The following THSD4 variants were observed in gnomAD, a reference collection of about 807,000 sequenced individuals.
THSD4 encodes thrombospondin type 1 domain containing 4.
THSD4 carries 69 observed loss-of-function variants against 119.0 expected under a neutral mutation model. That is an observed-to-expected ratio of 0.58 (90% CI 0.48 to 0.71). The LOEUF (loss-of-function observed/expected upper bound fraction) is 0.71, where lower values mean the gene tolerates loss of function less well. THSD4 is among the 30% of genes least tolerant of loss of function. The pLI is 0.00. For missense variants in THSD4, 1,393 were observed against 1,391.1 expected (o/e 1.00, Z -0.02); for synonymous variants, 524 against 540.4 (o/e 0.97, Z 0.42).
chr15:71,219,606 T>C (rs1267526974), intron 4 of THSD4, among the ~76,000 whole-genome samples: 2 of 152,182 alleles, frequency 1.3e-5, no homozygotes, highest in Non-Finnish European at 2.9e-5. Context: ...AAGATGCACA[T>C]GTAAATGCCT....
intron 6 of THSD4, among the ~76,000 whole-genome samples, chr15:71,377,879 C>CACACACACACACACACACACACAA (rs2046164709): frequency 2.5e-4 from 20 of 78,492 alleles, no homozygotes; most frequent in African/African-American, 5.9e-4. Context: ...CACACACACA[C>CACACACACACACACACACACACAA]ACACACACAC....
rs548920004 is a variant in THSD4, at chr15:71,287,193, G to A, written c.1015+30478G>A. Among the ~76,000 whole-genome samples the A allele has an allele frequency of 3.3e-5, 5 of 152,310 alleles. No homozygotes were observed. The East Asian group carries it at 9.6e-4, about 29-fold the overall frequency. On this transcript the variant is annotated intron_variant, in intron 6 of 17. Transcript: ENST00000261862. ...CCCGACAAAATGAAATACTTAGGATGTAAAAGTACAGGAGTAGACTTTTGG... is the reference window on the plus strand; with the variant it reads ...CCCGACAAAATGAAATACTTAGGATATAAAAGTACAGGAGTAGACTTTTGG...
At chr15:71,598,889 A>T (rs2049955851) in intron 7 of THSD4, among the ~76,000 whole-genome samples, 1 of 152,172 alleles carries the variant, frequency 6.6e-6, no homozygotes, top group Non-Finnish European at 1.5e-5. Context: ...AAGTGCTGGG[A>T]TTACAAGTTG....
chr15:71,342,117 T>G (rs988324963), intron 6 of THSD4, among the ~76,000 whole-genome samples: 2 of 146,876 alleles, frequency 1.4e-5, no homozygotes, highest in African/African-American at 5.1e-5. Flanking sequence ...ATCCTTTGAT[T>G]GACTGAAACG....
At chr15:71,463,225 A>C (rs2047450816) in intron 7 of THSD4, among the ~76,000 whole-genome samples, 1 of 152,122 alleles carries the variant, frequency 6.6e-6, no homozygotes, top group South Asian at 2.1e-4. Flanking sequence ...TCTTGACTTC[A>C]TCATATTAGT....
intron 6 of THSD4, among the ~76,000 whole-genome samples, chr15:71,265,972 A>G (rs1227278692): frequency 6.6e-6 from 1 of 152,224 alleles, no homozygotes; most frequent in African/African-American, 2.4e-5. Flanking sequence ...GGGCTTACAG[A>G]CAAAATCCCC....
chr15:71,173,252 A>G (rs2043401333), intron 3 of THSD4, among the ~76,000 whole-genome samples: 1 of 152,136 alleles, frequency 6.6e-6, no homozygotes, highest in African/African-American at 2.4e-5. Flanking sequence ...AAGCAAATAA[A>G]GTAAACAATT....
intron 6 of THSD4, among the ~76,000 whole-genome samples, chr15:71,382,166 C>T (rs1360183581): frequency 6.6e-6 from 1 of 152,022 alleles, no homozygotes; most frequent in African/African-American, 2.4e-5. Flanking sequence ...ATAGAGAAGA[C>T]CCAGTTTTCT....
At chr15:71,319,533 A>G (rs1027978719) in intron 6 of THSD4, among the ~76,000 whole-genome samples, 1 of 151,914 alleles carries the variant, frequency 6.6e-6, no homozygotes, top group Non-Finnish European at 1.5e-5. Context: ...TTTGCTCAGA[A>G]TGATGGTTTC....
chr15:71,588,107 C>A (rs1369616747), intron 7 of THSD4, among the ~76,000 whole-genome samples: 1 of 151,930 alleles, frequency 6.6e-6, no homozygotes, highest in Middle Eastern at 3.4e-3. Context: ...GAGATCGAGA[C>A]CATCCTGGCT....
chr15:71,347,121 G>A (rs1273550081), intron 6 of THSD4, among the ~76,000 whole-genome samples: 2 of 152,104 alleles, frequency 1.3e-5, no homozygotes, highest in Non-Finnish European at 2.9e-5. Flanking sequence ...CGATCTGCCC[G>A]CCTCGGTGTC....
At chr15:71,298,531 T>C (rs1480180492) in intron 6 of THSD4, among the ~76,000 whole-genome samples, 1 of 75,060 alleles carries the variant, frequency 1.3e-5, no homozygotes. Flanking sequence ...TGAGGCTTTA[T>C]TTCTTCTCTT....
In THSD4 at chr15:71,471,946, GCTC is replaced by G. The variant is rs1164916983; in HGVS notation, c.1152+60124_1152+60126del. 3.9e-5 allele frequency among the ~76,000 whole-genome samples: 6 copies of G among 152,174 alleles called. No individual in the cohort carries two copies. The East Asian group carries it at 1.2e-3, about 29-fold the overall frequency. ...TGTTTTTGTTCTGAGAGAGGATCTT[GCTC>G]TGTCACCCAGGCTACAGTGCAGTGG... On this transcript the variant is annotated intron_variant, in intron 7 of 17. Transcript: ENST00000261862.
At chr15:71,524,587 CTTTTTTTTTTTT>C (rs71438517) in intron 7 of THSD4, among the ~76,000 whole-genome samples, 34 of 59,520 alleles carry the variant, frequency 5.7e-4, no homozygotes, top group African/African-American at 1.8e-3. Flanking sequence ...GTTTATGCCT[CTTTTTTTTTTTT>C]TTTTTTTTTT....
chr15:71,680,255 A>G lies in THSD4; in HGVS notation c.1357+19521A>G, dbSNP rs548135616. Reference sequence around the variant, plus strand: ...TCCTGTCTTTCCTGTTTTGTTGGTAAGTTCTGGGAACACCAAGGTTCTCTA... The same window carrying G: ...TCCTGTCTTTCCTGTTTTGTTGGTAGGTTCTGGGAACACCAAGGTTCTCTA... On this transcript the variant is annotated intron_variant, in intron 8 of 17. Transcript: ENST00000261862. Among the ~76,000 whole-genome samples, 27 of 152,282 alleles carry G rather than the reference A, an allele frequency of 1.8e-4. No individual in the cohort carries two copies. In the South Asian group the frequency reaches 5.6e-3, roughly 32 times the overall value.
chr15:71,705,740 G>T (rs1198609352), intron 8 of THSD4, among the ~76,000 whole-genome samples: 1 of 152,166 alleles, frequency 6.6e-6, no homozygotes, highest in South Asian at 2.1e-4. Flanking sequence ...CTACATCATG[G>T]TCACCTACTA....
intron 6 of THSD4, among the ~76,000 whole-genome samples, chr15:71,277,012 T>C (rs1441703953): frequency 1.3e-5 from 2 of 152,202 alleles, no homozygotes; most frequent in Non-Finnish European, 2.9e-5. Flanking sequence ...GATGGCTGTG[T>C]ATTAAATAGG....
chr15:71,599,979 C>T (rs1237652750), intron 7 of THSD4, among the ~76,000 whole-genome samples: 1 of 152,254 alleles, frequency 6.6e-6, no homozygotes, highest in Non-Finnish European at 1.5e-5. Flanking sequence ...AATTCTAAAA[C>T]ATCCAGGCGT....
chr15:71,382,863 C>T (rs1485931642), intron 6 of THSD4, among the ~76,000 whole-genome samples: 3 of 152,154 alleles, frequency 2.0e-5, no homozygotes, highest in East Asian at 3.8e-4. Context: ...AGTATATATA[C>T]TCTAAACCTA....
Sources: allele counts gnomAD v4.1 joint callset (sites outside exome capture counted in the v4.1 genomes callset), GRCh38; gene constraint gnomAD v4.1.1; transcripts MANE v1.5; gene names NCBI Gene and HGNC (gene_info 2026-07-23, HGNC 2026-07-21).